Variants in AMZ1 observed in about 807,000 individuals in gnomAD.
AMZ1 encodes the protein archaemetzincin-1.
In AMZ1, 39 loss-of-function variants were observed where a neutral mutation model predicts 29.9. That is an observed-to-expected ratio of 1.30 (90% CI 1.01 to 1.70). The LOEUF is 1.70. AMZ1 is among the 40% of genes most tolerant of loss of function. The pLI is 0.00. For missense variants in AMZ1, 1,041 were observed against 680.6 expected, an observed-to-expected ratio of 1.53 and a Z score of -5.89; for synonymous variants, 458 against 304.0, an observed-to-expected ratio of 1.51 and a Z score of -5.27.
At chr7:2,683,847 C>T (rs1279536215), upstream of AMZ1, among the ~76,000 whole-genome samples, 9 of 151,952 alleles carry the variant, frequency 5.9e-5, no homozygotes, top group Non-Finnish European at 7.4e-5. Flanking sequence ...AGATTACAGG[C>T]GTGAGCCACC....
chr7:2,724,480 G>A (rs533663231), downstream of AMZ1, among the ~76,000 whole-genome samples: 1 of 152,344 alleles, frequency 6.6e-6, no homozygotes, highest in South Asian at 2.1e-4. Flanking sequence ...TTCACCAACA[G>A]GACCAGGCAA....
chr7:2,688,684 C>T (rs1787199710), intron 1 of AMZ1, among the ~76,000 whole-genome samples: 1 of 152,176 alleles, frequency 6.6e-6, no homozygotes, highest in Non-Finnish European at 1.5e-5. Context: ...CGGGCTGGGG[C>T]GAGCCAGGTG....
intron 1 of AMZ1, 100 bp from the exon 2 acceptor site, chr7:2,700,134 G>A: frequency 2.6e-6 from 1 of 389,836 alleles, no homozygotes; most frequent in East Asian, 4.5e-5. Context: ...CCTCTGCAGA[G>A]CTTCTCCCCA....
At chr7:2,763,120 C>T (rs748316585), upstream of AMZ1, 7 of 1,240,314 alleles carry the variant, frequency 5.6e-6, no homozygotes, top group Admixed American at 8.4e-5. Flanking sequence ...AGTCATCTTC[C>T]TCTCTCTTCT....
intron 4 of AMZ1, among the ~76,000 whole-genome samples, chr7:2,753,934 C>A (rs1452192579): frequency 6.6e-6 from 1 of 152,134 alleles, no homozygotes; most frequent in Non-Finnish European, 1.5e-5. Flanking sequence ...GTTAATCCGA[C>A]CACGAGCTCT....
intron 4 of AMZ1, chr7:2,733,614 G>A: frequency 2.7e-6 from 2 of 754,476 alleles, no homozygotes; most frequent in Non-Finnish European, 4.7e-6. Flanking sequence ...GTGTGAATGG[G>A]AAAGCAAAGG....
intron 4 of AMZ1, among the ~76,000 whole-genome samples, chr7:2,747,779 C>T (rs996896731): frequency 4.6e-5 from 7 of 152,180 alleles, no homozygotes; most frequent in African/African-American, 1.7e-4. Flanking sequence ...AAAACCCCAT[C>T]ATCTCAGCCC....
Position 2,708,585 on chromosome 7 carries a change from C to T in AMZ1, c.473-3C>T. 6.2e-7 allele frequency: 1 copy of T among 1,612,232 alleles called. No homozygotes were observed. The highest frequency in any genetic ancestry group is 8.5e-7 in the Non-Finnish European group (1 of 1,179,864). On this transcript the variant is annotated splice_region_variant and splice_polypyrimidine_tract_variant and intron_variant, in intron 3 of 6. Transcript: ENST00000683327. ...ACCCCATCCTCTGGCCCTCTCCCCG[C>T]AGACGGCATCCTGTCCTTCTTGAAG...
chr7:2,722,928 A>G (rs1373842678), downstream of AMZ1, among the ~76,000 whole-genome samples: 1 of 152,148 alleles, frequency 6.6e-6, no homozygotes, highest in East Asian at 1.9e-4. Flanking sequence ...GCGATGAGCT[A>G]TGATCACACC....
chr7:2,763,063 C>G (rs939918484), upstream of AMZ1: 1 of 1,246,284 alleles, frequency 8.0e-7, no homozygotes, highest in East Asian at 3.1e-5. Flanking sequence ...GGACGCAGAC[C>G]GGGGCTCCCT....
At chr7:2,685,802 G>A (rs1458735946), upstream of AMZ1, among the ~76,000 whole-genome samples, 4 of 147,048 alleles carry the variant, frequency 2.7e-5, no homozygotes, top group Non-Finnish European at 5.9e-5. Flanking sequence ...GCAGTGAGCC[G>A]AGATCACGCC....
At chr7:2,734,847 C>T (rs140577408) in intron 4 of AMZ1, among the ~76,000 whole-genome samples, 1,584 of 152,312 alleles carry the variant, frequency 0.01, 14 homozygotes, top group Middle Eastern at 0.071. Context: ...CACCGGCTCT[C>T]TAGAGCCCCA....
intron 4 of AMZ1, among the ~76,000 whole-genome samples, chr7:2,749,677 A>T (rs1472297727): frequency 1.3e-5 from 2 of 152,202 alleles, no homozygotes; most frequent in South Asian, 2.1e-4. Flanking sequence ...TAAAATAAAA[A>T]AAAAGAAAAT....
At chr7:2,733,301 C>A in intron 4 of AMZ1, 1 of 674,404 alleles carries the variant, frequency 1.5e-6, no homozygotes, top group Non-Finnish European at 2.7e-6. Context: ...CAAGTGAGAG[C>A]GTGCCATTAC....
chr7:2,755,380 T>C (rs1195690040), intron 4 of AMZ1, among the ~76,000 whole-genome samples: 3 of 152,256 alleles, frequency 2.0e-5, no homozygotes, highest in Admixed American at 6.5e-5. Flanking sequence ...GAGTTTTCCA[T>C]GAACACGGCA....
rs13240128 is a variant in AMZ1 at position 2,719,026 on chromosome 7, C to T, written c.*6148C>T. 0.022 allele frequency among the ~76,000 whole-genome samples: 636 copies of T among 28,980 alleles called. 4 individuals are homozygous for T. Among genetic ancestry groups the T allele is most frequent in the Middle Eastern group, 0.085 (7 of 82 alleles). The allele number at this position is 28,980 out of a possible 152,430, so 19.0% of individuals were successfully genotyped here. On this transcript the variant is annotated 3_prime_UTR_variant, in exon 7 of 7. Coordinates refer to ENST00000683327, the MANE Select transcript of AMZ1 (RefSeq NM_001384743.1). ...CAGGCGACTTTTTTTTTTTTTTTTC[C>T]CCCCCATCTGAAGTGAGATCAAACT...
intron 1 of AMZ1, among the ~76,000 whole-genome samples, chr7:2,689,747 A>G (rs1047844555): frequency 6.6e-6 from 1 of 152,212 alleles, no homozygotes; most frequent in African/African-American, 2.4e-5. Flanking sequence ...TGCAGTTAGC[A>G]GAGGAGGGGG....
At position 2,708,730 on chromosome 7, in the gene AMZ1, C is replaced by T; in HGVS notation, c.601+14C>T. The T allele has an allele frequency of 6.2e-7, 1 of 1,612,048 alleles. No homozygotes were observed. Among genetic ancestry groups the T allele is most frequent in the African/African-American group, 1.3e-5 (1 of 75,042 alleles). ...TTCCAGGGCACGGTGAGCCGGGGCC[C>T]CAGCAGCTGTGCGTGGGGGGTAGCC... On this transcript the variant is annotated intron_variant, in intron 4 of 6. Coordinates refer to ENST00000683327, the MANE Select transcript of AMZ1 (RefSeq NM_001384743.1).
intron 1 of AMZ1, among the ~76,000 whole-genome samples, chr7:2,693,413 G>T (rs1225422141): frequency 6.6e-6 from 1 of 151,996 alleles, no homozygotes; most frequent in Non-Finnish European, 1.5e-5. Flanking sequence ...ACAGGGTCTT[G>T]CTGTCATCCA....
Sources: gnomAD v4.1 joint callset for allele counts (sites outside exome capture counted in the v4.1 genomes callset) on GRCh38, gnomAD v4.1.1 for gene constraint, MANE v1.5 for transcripts, NCBI Gene and HGNC (gene_info 2026-07-23, HGNC 2026-07-21) for gene names.